The following CEP104 variants were observed in gnomAD, a reference collection of about 807,000 sequenced individuals.
CEP104 encodes centrosomal protein 104, also known as centrosomal protein of 104 kDa.
A neutral mutation model predicts 113.3 loss-of-function variants in CEP104; 84 were observed. That is an observed-to-expected ratio of 0.74 (90% CI 0.62 to 0.89). The LOEUF is 0.89. CEP104 is among the 40% of genes least tolerant of loss of function. CEP104 has a pLI of 0.00. For missense variants in CEP104, 1,053 were observed against 1,156.6 expected, an observed-to-expected ratio of 0.91 and a Z score of 1.30; for synonymous variants, 378 against 421.7, an observed-to-expected ratio of 0.90 and a Z score of 1.27.
rs2124624528 is a variant in CEP104, at chr1:3,813,095, T to A, written c.*2307A>T. 6.6e-6 allele frequency: 1 copy of A among 152,298 alleles called. No homozygotes were observed. Among genetic ancestry groups the A allele is most frequent in the South Asian group, 2.1e-4 (1 of 4,826 alleles). 9.4% of individuals were successfully genotyped at this position (152,298 alleles called of 1,614,324 possible). On this transcript the variant is annotated 3_prime_UTR_variant, in exon 22 of 22. Transcript: ENST00000378230. ...TAATTCCTTGGTTAACTTTTCTCATTCTTGTTCTGTTTAAAGAAGTGTTTT... is the reference window on the plus strand; with the variant it reads ...TAATTCCTTGGTTAACTTTTCTCATACTTGTTCTGTTTAAAGAAGTGTTTT...
At chr1:3,852,888 T>C (rs1045846716) in intron 1 of CEP104, among the ~76,000 whole-genome samples, 2 of 143,774 alleles carry the variant, frequency 1.4e-5, no homozygotes, top group South Asian at 4.4e-4. Context: ...GAGCAACGCA[T>C]CTCTAAGCGG....
intron 6 of CEP104, among the ~76,000 whole-genome samples, chr1:3,842,741 T>C (rs1435490685): frequency 2.0e-5 from 3 of 152,232 alleles, no homozygotes; most frequent in African/African-American, 7.2e-5. Context: ...GGGAAGCTGC[T>C]GTCAGAGAAG....
At position 3,846,244 on chromosome 1, in the gene CEP104, T is replaced by C. The variant is rs1644505120; in HGVS notation, c.427-893A>G. The stretch of plus-strand genomic sequence containing the variant: ...ACAATGAAAAGTTAACACAGCTCAG[T>C]TCCCAGTTGGTGAGTCTCACCTGAG... On this transcript the variant is annotated intron_variant, in intron 4 of 21. Transcript: ENST00000378230. Among the ~76,000 whole-genome samples, 6 of 152,274 alleles carry C rather than the reference T, an allele frequency of 3.9e-5. No individual in the cohort carries two copies. In the South Asian group the frequency reaches 1.2e-3, roughly 32 times the overall value.
At chr1:3,845,661 A>T (rs1339541522) in intron 4 of CEP104, among the ~76,000 whole-genome samples, 1 of 152,224 alleles carries the variant, frequency 6.6e-6, no homozygotes, top group African/African-American at 2.4e-5. Flanking sequence ...CTACACTGTT[A>T]TCAAATGGGA....
chr1:3,830,933 G>T, intron 13 of CEP104, 113 bp downstream of exon 13: 1 of 1,145,136 alleles, frequency 8.7e-7, no homozygotes, highest in Non-Finnish European at 1.2e-6. Flanking sequence ...CTATTTTTCT[G>T]AAATCACTGC....
chr1:3,839,691 C>A lies in CEP104; in HGVS notation c.652G>T (p.Asp218Tyr). Reference sequence around the variant, plus strand: ...TGGACAGCTTCCCGTTTTCTTTCATCTAATTTTCGTATGATCTGTGCAACT... The same window carrying A: ...TGGACAGCTTCCCGTTTTCTTTCATATAATTTTCGTATGATCTGTGCAACT... ...PEVAQIIRKL[D>Y]ERKREAVQKE... The change falls in exon 7 of 22, where the codon GAT (aspartate) becomes TAT (tyrosine). Residue 218 changes from aspartate to tyrosine, a missense_variant. Transcript: ENST00000378230. 6.2e-7 allele frequency: 1 copy of A among 1,614,116 alleles called. No individual in the cohort carries two copies. The highest frequency in any genetic ancestry group is 2.2e-5 in the East Asian group (1 of 44,882).
In CEP104 at chr1:3,816,238, G is replaced by A. The variant is rs753094583; in HGVS notation, c.2662+42C>T. 7.4e-6 allele frequency: 11 copies of A among 1,494,174 alleles called. No individual in the cohort carries two copies. In the South Asian group the frequency reaches 7.5e-5, roughly 10 times the overall value. 92.6% of individuals were successfully genotyped at this position (1,494,174 alleles called of 1,614,324 possible). A position where few individuals can be genotyped will look rare whatever the true frequency, so the allele number is the denominator to read the frequency against. ...ATGCTTTTTTGAATAAGTCAAAATG[G>A]AGGGATGCAGACTACACCTGCTCAG... On this transcript the variant is annotated intron_variant, in intron 21 of 21. Transcript: ENST00000378230.
intron 20 of CEP104, among the ~76,000 whole-genome samples, chr1:3,818,915 A>G (rs1643920318): frequency 6.6e-6 from 1 of 152,144 alleles, no homozygotes; most frequent in African/African-American, 2.4e-5. Flanking sequence ...GTCCTGTTTG[A>G]GAAATCCCTT....
At position 3,848,670 on chromosome 1, in the gene CEP104, G is replaced by A. The variant is rs752934482; in HGVS notation, c.225C>T (p.Tyr75=). The A allele has an allele frequency of 6.2e-7, 1 of 1,613,868 alleles. No individual in the cohort carries two copies. ...AATATTCAGGCAAGCTTTCACTAAT[G>A]TAGAACTCAATTTTACTTGAAATCA... The part of the protein sequence containing the change: ...QYMISSKIEF[Y]ISESLPEYFA... The change falls in exon 3 of 22, where the codon TAC becomes TAT. Residue 75 remains tyrosine, a synonymous_variant. Coordinates refer to ENST00000378230, the MANE Select transcript of CEP104 (RefSeq NM_014704.4).
chr1:3,840,238 CTTCTT>C (rs1267950943), intron 6 of CEP104, among the ~76,000 whole-genome samples: 1 of 152,188 alleles, frequency 6.6e-6, no homozygotes, highest in African/African-American at 2.4e-5. Flanking sequence ...GTATTTTTTT[CTTCTT>C]TTCTTTTTTC....
Position 3,845,009 on chromosome 1 carries a change from T to C in CEP104, c.490-26A>G, listed in dbSNP as rs1644482364. On this transcript the variant is annotated intron_variant, in intron 5 of 21. Coordinates refer to ENST00000378230, the MANE Select transcript of CEP104 (RefSeq NM_014704.4). ...CTTTGGGGGCAAAACATCTGCTTAGTGTCTCAGAGAGAAAGAGGAACAACA... is the reference window on the plus strand; with the variant it reads ...CTTTGGGGGCAAAACATCTGCTTAGCGTCTCAGAGAGAAAGAGGAACAACA... 2.5e-6 allele frequency: 4 copies of C among 1,581,420 alleles called. 1 individual carries two copies. The South Asian group carries it at 3.3e-5, about 13-fold the overall frequency.
At chr1:3,832,721 G>C (rs1015931797) in intron 12 of CEP104, among the ~76,000 whole-genome samples, 1 of 152,136 alleles carries the variant, frequency 6.6e-6, no homozygotes, top group African/African-American at 2.4e-5. Context: ...GTCTTTCTCT[G>C]TCACCCAGGC....
At chr1:3,842,359 C>T (rs2124682097) in intron 6 of CEP104, among the ~76,000 whole-genome samples, 1 of 152,262 alleles carries the variant, frequency 6.6e-6, no homozygotes, top group East Asian at 1.9e-4. Context: ...GGATTACAGG[C>T]GTGAGCCACC....
rs897337837 is a variant in CEP104 at position 3,839,789 on chromosome 1, A to G, written c.567-13T>C. 4 of 1,604,298 alleles carry G rather than the reference A, an allele frequency of 2.5e-6. No individual in the cohort carries two copies. The highest frequency in any genetic ancestry group is 3.4e-6 in the Non-Finnish European group (4 of 1,176,354). ...ATAGTCAGATTTCCTAAAGGGAAGA[A>G]ATGCATATTTTAGAGATAATTTCAC... On this transcript the variant is annotated splice_polypyrimidine_tract_variant and intron_variant, in intron 6 of 21. Coordinates refer to ENST00000378230, the MANE Select transcript of CEP104 (RefSeq NM_014704.4).
rs375030493 is a variant in CEP104 at position 3,838,964 on chromosome 1, C to T, written c.891G>A (p.Leu297=). ...ACTCCGTCTGGGCTCCTGCACCCACCAGCTCGGCATCCAGGAGGCTGTGCA... is the reference window on the plus strand; with the variant it reads ...ACTCCGTCTGGGCTCCTGCACCCACTAGCTCGGCATCCAGGAGGCTGTGCA... ...LELHSLLDAE[L]MRRPFDLPLQ... Residue 297 remains leucine, a splice_region_variant and synonymous_variant, in exon 8 of 22, where the codon CTG becomes CTA. Coordinates refer to ENST00000378230, the MANE Select transcript of CEP104 (RefSeq NM_014704.4). The T allele has an allele frequency of 6.2e-7, 1 of 1,614,098 alleles. No individual in the cohort carries two copies. Among genetic ancestry groups the T allele is most frequent in the Non-Finnish European group, 8.5e-7 (1 of 1,180,018 alleles).
intron 20 of CEP104, among the ~76,000 whole-genome samples, chr1:3,816,851 T>C (rs1485987665): frequency 6.6e-6 from 1 of 152,240 alleles, no homozygotes; most frequent in African/African-American, 2.4e-5. Context: ...CCCTGCAGAA[T>C]GTGGGGCTTA....
chr1:3,821,641 C>A (rs1643974497), intron 20 of CEP104, among the ~76,000 whole-genome samples: 1 of 152,198 alleles, frequency 6.6e-6, no homozygotes, highest in South Asian at 2.1e-4. Context: ...CCGGGGGACA[C>A]ACCAGCATTG....
At chr1:3,828,600 G>A (rs1644138547) in intron 15 of CEP104, among the ~76,000 whole-genome samples, 2 of 152,204 alleles carry the variant, frequency 1.3e-5, no homozygotes, top group Non-Finnish European at 2.9e-5. Context: ...CAGGCCTGAG[G>A]TGCCAGCAGG....
rs1035506983 is a variant in CEP104, at chr1:3,855,420, T to C, written c.-15+1469A>G. Reference sequence around the variant, plus strand: ...GGCTGGTCTTGAACTCCTCCCACCTTAGTGTCCCAAAGTGTTGGGATTACA... The same window carrying C: ...GGCTGGTCTTGAACTCCTCCCACCTCAGTGTCCCAAAGTGTTGGGATTACA... On this transcript the variant is annotated intron_variant, in intron 1 of 21. Coordinates refer to ENST00000378230, the MANE Select transcript of CEP104 (RefSeq NM_014704.4). Among the ~76,000 whole-genome samples, 26 of 149,092 alleles carry C rather than the reference T, an allele frequency of 1.7e-4. 1 individual carries two copies. The highest frequency in any genetic ancestry group is 3.0e-5 in the Non-Finnish European group (2 of 67,210).
Sources: gnomAD v4.1 joint callset for allele counts (sites outside exome capture counted in the v4.1 genomes callset) on GRCh38, gnomAD v4.1.1 for gene constraint, MANE v1.5 for transcripts, NCBI Gene and HGNC (gene_info 2026-07-23, HGNC 2026-07-21) for gene names.